ABCB5: variants seen among roughly 807,000 people sequenced by gnomAD.
ABCB5 encodes the protein ATP-binding cassette sub-family B member 5.
ABCB5 carries 155 observed loss-of-function variants against 144.2 expected under a neutral mutation model. The observed-to-expected ratio is 1.08, with a 90% confidence interval of 0.94 to 1.23. The LOEUF (loss-of-function observed/expected upper bound fraction) is 1.23. Among genes scored for constraint, ABCB5 ranks in the 50% most tolerant of loss-of-function variants. The pLI is 0.00. For missense variants in ABCB5, 1,830 were observed against 1,520.8 expected (o/e 1.20, Z -3.38); for synonymous variants, 610 against 528.6 (o/e 1.15, Z -2.11).
intron 16 of ABCB5, among the ~76,000 whole-genome samples, chr7:20,691,174 T>C (rs1185964180): frequency 0.019 from 665 of 34,762 alleles, 19 homozygotes; most frequent in African/African-American, 0.064. Context: ...TGGACTTTTT[T>C]TTTTTTTTTT....
intron 25 of ABCB5, among the ~76,000 whole-genome samples, chr7:20,744,651 T>C (rs1005423798): frequency 6.6e-6 from 1 of 151,720 alleles, no homozygotes; most frequent in African/African-American, 2.4e-5. Flanking sequence ...TTAGGAGATA[T>C]ACCTAATGCT....
rs969576680 is a variant in ABCB5 at position 20,646,184 on chromosome 7, C to T, written c.981+46C>T. The T allele has an allele frequency of 4.5e-6, 7 of 1,553,016 alleles. No individual in the cohort carries two copies. In the Admixed American group the frequency reaches 6.4e-5, roughly 14 times the overall value. On this transcript the variant is annotated intron_variant, in intron 9 of 27. Coordinates refer to ENST00000404938, the MANE Select transcript of ABCB5 (RefSeq NM_001163941.2). Reference sequence around the variant, plus strand: ...AGGTGTCAGGCCTGGATAATCTTTCCTTACCTAGTTTAGCCAAAATTCCTC... The same window carrying T: ...AGGTGTCAGGCCTGGATAATCTTTCTTTACCTAGTTTAGCCAAAATTCCTC...
chr7:20,621,459 T>C lies in ABCB5; in HGVS notation c.-21-1806T>C, dbSNP rs189550604. ...TTTTAATCATGTCTAGGCTGGTGCC[T>C]ATGCTGCTGCTCTTGGGACCATTCT... On this transcript the variant is annotated intron_variant, in intron 1 of 27. Transcript: ENST00000404938. 3.0e-3 allele frequency among the ~76,000 whole-genome samples: 461 copies of C among 152,246 alleles called. 11 individuals carry two copies. The highest frequency in any genetic ancestry group is 0.028 in the Admixed American group (424 of 15,288).
chr7:20,617,711 G>C (rs901338087), intron 1 of ABCB5, among the ~76,000 whole-genome samples: 3 of 152,108 alleles, frequency 2.0e-5, no homozygotes, highest in Non-Finnish European at 2.9e-5. Context: ...ACTGTATGCT[G>C]TCAATAAGAG....
At chr7:20,755,042 C>A (rs1021779369) in intron 27 of ABCB5, among the ~76,000 whole-genome samples, 1 of 152,132 alleles carries the variant, frequency 6.6e-6, no homozygotes, top group Non-Finnish European at 1.5e-5. Flanking sequence ...CTCCACCTCC[C>A]AGGGTCAAGC....
chr7:20,661,462 G>A (rs74809645), intron 14 of ABCB5, among the ~76,000 whole-genome samples: 1 of 151,912 alleles, frequency 6.6e-6, no homozygotes, highest in African/African-American at 2.4e-5. Flanking sequence ...AGATATTGTT[G>A]GATGGACTTC....
In ABCB5 at chr7:20,756,864, G is replaced by A. The variant is rs3210441; in HGVS notation, c.*1240G>A. ...GGTGATTTTATCTTTATTCTTCAGT[G>A]TATTTTCTTCCATTTACACATTTAG... On this transcript the variant is annotated 3_prime_UTR_variant, in exon 28 of 28. Coordinates refer to ENST00000404938, the MANE Select transcript of ABCB5 (RefSeq NM_001163941.2). 0.31 allele frequency: 47,057 copies of A among 152,218 alleles called. 7,447 individuals carry two copies. The highest frequency in any genetic ancestry group is 0.36 in the Non-Finnish European group (24,382 of 67,996). 9.4% of individuals were successfully genotyped at this position (152,218 alleles called of 1,614,324 possible). A position where few individuals can be genotyped will look rare whatever the true frequency, so the allele number is the denominator to read the frequency against.
chr7:20,642,742 A>G (rs2128022763), intron 5 of ABCB5, among the ~76,000 whole-genome samples: 1 of 152,276 alleles, frequency 6.6e-6, no homozygotes, highest in South Asian at 2.1e-4. Context: ...AGTTATATAG[A>G]TGAATCTTTG....
At chr7:20,743,099 A>C in intron 25 of ABCB5, 25 bp downstream of exon 25, 1 of 1,609,910 alleles carries the variant, frequency 6.2e-7, no homozygotes. Flanking sequence ...AAACACACCT[A>C]ATCTGGGGGT....
rs1786506493 is a variant in ABCB5 at position 20,698,666 on chromosome 7, C to A, written c.2154+116C>A. 3 of 961,410 alleles carry A rather than the reference C, an allele frequency of 3.1e-6. No individual in the cohort carries two copies. The Admixed American group carries it at 1.0e-4, about 32-fold the overall frequency. The allele number at this position is 961,410 out of a possible 1,614,324, so 59.6% of individuals were successfully genotyped here. A position where few individuals can be genotyped will look rare whatever the true frequency, so the allele number is the denominator to read the frequency against. ...AAAATTGGGACTTTTAGTGGGCCGC[C>A]CCTAGTGTGGAGTCCGTGATAGGAA... On this transcript the variant is annotated intron_variant, in intron 17 of 27. Coordinates refer to ENST00000404938, the MANE Select transcript of ABCB5 (RefSeq NM_001163941.2).
intron 14 of ABCB5, among the ~76,000 whole-genome samples, chr7:20,670,571 G>C (rs528677467): frequency 6.6e-6 from 1 of 152,114 alleles, no homozygotes; most frequent in Non-Finnish European, 1.5e-5. Context: ...GTATAAGCGA[G>C]GCTTAGAATT....
intron 9 of ABCB5, chr7:20,647,190 T>C (rs1420716014): frequency 2.6e-6 from 2 of 757,802 alleles, no homozygotes; most frequent in Non-Finnish European, 3.2e-6. Context: ...GGAGTGCAAC[T>C]CACCATGGGG....
At chr7:20,753,636 A>G (rs1011152564) in intron 27 of ABCB5, 130 bp downstream of exon 27, 3 of 1,082,544 alleles carry the variant, frequency 2.8e-6, no homozygotes, top group African/African-American at 3.2e-5. Context: ...ACCAGTTCCA[A>G]TTAAGGCTTT....
At chr7:20,704,652 C>A in intron 19 of ABCB5, 72 bp from the exon 20 acceptor site, 1 of 1,202,790 alleles carries the variant, frequency 8.3e-7, no homozygotes, top group Non-Finnish European at 1.2e-6. Context: ...TTCTGATTTA[C>A]AGCAGAAAAA....
chr7:20,689,379 C>T (rs1402927436), intron 16 of ABCB5, among the ~76,000 whole-genome samples: 7 of 152,142 alleles, frequency 4.6e-5, no homozygotes, highest in African/African-American at 1.7e-4. Flanking sequence ...CAAGGGAGAC[C>T]TTCCACAGGA....
chr7:20,633,691 T>C (rs901070133), intron 5 of ABCB5, among the ~76,000 whole-genome samples: 1 of 152,164 alleles, frequency 6.6e-6, no homozygotes, highest in Non-Finnish European at 1.5e-5. Context: ...TAGTTAACTA[T>C]AGCACTATAG....
chr7:20,732,583 AG>A (rs1397925380), intron 23 of ABCB5, among the ~76,000 whole-genome samples: 3 of 152,198 alleles, frequency 2.0e-5, no homozygotes, highest in Non-Finnish European at 4.4e-5. Context: ...TAGGCAGTAC[AG>A]TCATTTCTGG....
At chr7:20,696,612 T>C (rs1391673262) in intron 16 of ABCB5, among the ~76,000 whole-genome samples, 2 of 152,150 alleles carry the variant, frequency 1.3e-5, no homozygotes, top group African/African-American at 4.8e-5. Context: ...AAGAAAGCTC[T>C]AAGCTGTATC....
rs148307109 is a variant in ABCB5 at position 20,694,954 on chromosome 7, T to G, written c.2011-3453T>G. Among the ~76,000 whole-genome samples, 526 of 152,094 alleles carry G rather than the reference T, an allele frequency of 3.5e-3. 2 individuals are homozygous for G. Among genetic ancestry groups the G allele is most frequent in the African/African-American group, 0.012 (496 of 41,558 alleles). ...AGAAAAACTACTGAGAAAAATAGAC[T>G]AAATAAATTAAAAGATATTTTCAAT... On this transcript the variant is annotated intron_variant, in intron 16 of 27. Transcript: ENST00000404938.
Sources: allele counts gnomAD v4.1 joint callset (sites outside exome capture counted in the v4.1 genomes callset), GRCh38; gene constraint gnomAD v4.1.1; transcripts MANE v1.5; gene names NCBI Gene and HGNC (gene_info 2026-07-23, HGNC 2026-07-21).